KLF3: variants seen among roughly 807,000 people sequenced by gnomAD.
The protein encoded by KLF3 is Krueppel-like factor 3.
In KLF3, 6 loss-of-function variants were observed where a neutral mutation model predicts 32.7. That is an observed-to-expected ratio of 0.18 (90% confidence interval 0.10 to 0.36). KLF3 has a LOEUF of 0.36. KLF3 is among the 10% of genes least tolerant of loss of function. KLF3 has a pLI of 1.00. For synonymous variants in KLF3, 145 were observed against 172.8 expected, an observed-to-expected ratio of 0.84 and a Z score of 1.26; for missense variants, 338 against 449.7, an observed-to-expected ratio of 0.75 and a Z score of 2.25.
In KLF3 at chr4:38,698,258, A is replaced by AGTAT. The variant is rs1363192303; in HGVS notation, c.*997_*1000dup. 1 of 152,492 alleles carries AGTAT rather than the reference A, an allele frequency of 6.6e-6. No homozygotes were observed. Among genetic ancestry groups the AGTAT allele is most frequent in the Admixed American group, 6.5e-5 (1 of 15,286 alleles). 9.4% of individuals were successfully genotyped at this position (152,492 alleles called of 1,614,324 possible). On this transcript the variant is annotated 3_prime_UTR_variant, in exon 6 of 6. Coordinates refer to ENST00000261438, the MANE Select transcript of KLF3 (RefSeq NM_016531.6). The stretch of plus-strand genomic sequence containing the variant: ...AATGGTAAGAAATCTTTCGGGTAAG[A>AGTAT]GTATGGATGGTTCTTCTTTTACCCA...
At chr4:38,669,893 CAAAAAAA>C (rs60339860) in intron 1 of KLF3, among the ~76,000 whole-genome samples, 196 of 41,170 alleles carry the variant, frequency 4.8e-3, no homozygotes, top group African/African-American at 0.017. Context: ...GACTCTGTCT[CAAAAAAA>C]AAAAAAAAAA....
chr4:38,674,313 G>C lies in KLF3; in HGVS notation c.-39-6274G>C, dbSNP rs931942371. Among the ~76,000 whole-genome samples, 32 of 152,090 alleles carry C rather than the reference G, an allele frequency of 2.1e-4. No individual in the cohort carries two copies. Among genetic ancestry groups the C allele is most frequent in the African/African-American group, 7.5e-4 (31 of 41,434 alleles). On this transcript the variant is annotated intron_variant, in intron 1 of 5. Coordinates refer to ENST00000261438, the MANE Select transcript of KLF3 (RefSeq NM_016531.6). The surrounding 1 kb of genome is among the most constrained non-coding windows in gnomAD (Gnocchi z 4.1). ...ACTTGAGCCATTGGGGGATTTTGAA[G>C]AATTTGGGTAAAGAAACGAAGAGAG...
At chr4:38,686,317 G>A (rs964751281) in intron 2 of KLF3, among the ~76,000 whole-genome samples, 23 of 151,738 alleles carry the variant, frequency 1.5e-4, no homozygotes, top group African/African-American at 5.3e-4. Context: ...GTGGTGTCAT[G>A]TGCCTGTAGT....
intron 4 of KLF3, among the ~76,000 whole-genome samples, chr4:38,692,996 C>T (rs1428830943): frequency 2.7e-5 from 4 of 149,898 alleles, no homozygotes; most frequent in Non-Finnish European, 5.9e-5. Flanking sequence ...AATAATTCAG[C>T]CTTATAAAAA....
chr4:38,664,211 G>C lies in KLF3; in HGVS notation c.-290G>C, dbSNP rs999274190. 1.4e-4 allele frequency: 22 copies of C among 152,000 alleles called. No homozygotes were observed. The highest frequency in any genetic ancestry group is 4.6e-4 in the African/African-American group (19 of 41,382). The allele number at this position is 152,000 out of a possible 1,614,324, so 9.4% of individuals were successfully genotyped here. A position where few individuals can be genotyped will look rare whatever the true frequency, so the allele number is the denominator to read the frequency against. ...CCGGGAGGCTCGCAGAGCGAGCGGCGCCGGCGTCATGTGACTGCCCGGAGT... is the reference window on the plus strand; with the variant it reads ...CCGGGAGGCTCGCAGAGCGAGCGGCCCCGGCGTCATGTGACTGCCCGGAGT... On this transcript the variant is annotated 5_prime_UTR_variant, in exon 1 of 6. Transcript: ENST00000261438.
chr4:38,673,530 T>G (rs963714987), intron 1 of KLF3, among the ~76,000 whole-genome samples: 1 of 152,220 alleles, frequency 6.6e-6, no homozygotes, highest in African/African-American at 2.4e-5. Flanking sequence ...CCCTTAAAAC[T>G]AAAACACAAA....
intron 4 of KLF3, among the ~76,000 whole-genome samples, chr4:38,693,103 TGTAC>T (rs1722928171): frequency 1.1e-5 from 1 of 87,124 alleles, no homozygotes; most frequent in Non-Finnish European, 2.4e-5. Context: ...TATATATATA[TGTAC>T]ATATATATAC....
Position 38,699,547 on chromosome 4 carries a change from G to A in KLF3, c.*2284G>A, listed in dbSNP as rs1277469397. Reference sequence around the variant, plus strand: ...AAAGGATCAGATTGATCTGGGATCAGCTTTGAGCCTGAGTTCAGTGAATAG... The same window carrying A: ...AAAGGATCAGATTGATCTGGGATCAACTTTGAGCCTGAGTTCAGTGAATAG... On this transcript the variant is annotated 3_prime_UTR_variant, in exon 6 of 6. Transcript: ENST00000261438. The A allele has an allele frequency of 1.3e-5, 2 of 152,246 alleles. No individual in the cohort carries two copies. Among genetic ancestry groups the A allele is most frequent in the Non-Finnish European group, 2.9e-5 (2 of 68,044 alleles). 9.4% of individuals were successfully genotyped at this position (152,246 alleles called of 1,614,324 possible).
intron 4 of KLF3, among the ~76,000 whole-genome samples, chr4:38,692,231 G>A (rs192995395): frequency 1.1e-4 from 17 of 152,288 alleles, no homozygotes; most frequent in African/African-American, 3.9e-4. Flanking sequence ...TAACTTCTTG[G>A]TTATAATAAT....
intron 1 of KLF3, among the ~76,000 whole-genome samples, chr4:38,677,455 G>T (rs1460544461): frequency 6.6e-6 from 1 of 152,206 alleles, no homozygotes; most frequent in Non-Finnish European, 1.5e-5. Context: ...ATTAGACAAA[G>T]TCATTGAAAG....
chr4:38,684,840 G>A (rs1164368120), intron 2 of KLF3, among the ~76,000 whole-genome samples: 1 of 152,112 alleles, frequency 6.6e-6, no homozygotes, highest in Non-Finnish European at 1.5e-5. Context: ...AAAAGTGTGA[G>A]CCACCATGCC....
rs527387864 is a variant in KLF3, at chr4:38,668,342, T to A, written c.-40+3881T>A. On this transcript the variant is annotated intron_variant, in intron 1 of 5. Coordinates refer to ENST00000261438, the MANE Select transcript of KLF3 (RefSeq NM_016531.6). The stretch of plus-strand genomic sequence containing the variant: ...AACTTACTTGGGGATTTTTTTTTTT[T>A]AATCAAAAGGAATCATCTACAGCAT... 2.1e-4 allele frequency among the ~76,000 whole-genome samples: 32 copies of A among 152,102 alleles called. No individual in the cohort carries two copies. The East Asian group carries it at 5.4e-3, about 26-fold the overall frequency.
intron 1 of KLF3, among the ~76,000 whole-genome samples, chr4:38,676,024 A>AT (rs911339486): frequency 6.6e-5 from 10 of 152,176 alleles, no homozygotes; most frequent in African/African-American, 2.4e-4. Flanking sequence ...AAGTATAGAA[A>AT]TTTTTTGCAA....
At position 38,700,809 on chromosome 4, in the gene KLF3, A is replaced by G. The variant is rs555944975; in HGVS notation, c.*3546A>G. 1 of 152,352 alleles carries G rather than the reference A, an allele frequency of 6.6e-6. No individual in the cohort carries two copies. The highest frequency in any genetic ancestry group is 1.9e-4 in the East Asian group (1 of 5,192). 9.4% of individuals were successfully genotyped at this position (152,352 alleles called of 1,614,324 possible). On this transcript the variant is annotated 3_prime_UTR_variant, in exon 6 of 6. Coordinates refer to ENST00000261438, the MANE Select transcript of KLF3 (RefSeq NM_016531.6). ...TAAGACTGAATGGGTAAAGGTTTTTAGCATGCATTAGTATACTTGCAGATA... is the reference window on the plus strand; with the variant it reads ...TAAGACTGAATGGGTAAAGGTTTTTGGCATGCATTAGTATACTTGCAGATA...
chr4:38,670,349 C>T (rs1722165651), intron 1 of KLF3, among the ~76,000 whole-genome samples: 1 of 152,176 alleles, frequency 6.6e-6, no homozygotes, highest in Non-Finnish European at 1.5e-5. Flanking sequence ...GTGGATCCTG[C>T]CAGGGATGGC....
intron 4 of KLF3, 53 bp downstream of exon 4, chr4:38,689,932 C>T: frequency 6.6e-7 from 1 of 1,520,670 alleles, no homozygotes; most frequent in Non-Finnish European, 8.9e-7. Context: ...CATCTTGGAA[C>T]CTGGAGCAGA....
intron 4 of KLF3, chr4:38,690,120 C>T: frequency 2.4e-6 from 1 of 424,574 alleles, no homozygotes; most frequent in Admixed American, 4.1e-5. Context: ...ATCAGTCATC[C>T]ATGATTTTGC....
At chr4:38,689,457 G>A (rs1722810930) in intron 3 of KLF3, among the ~76,000 whole-genome samples, 1 of 152,180 alleles carries the variant, frequency 6.6e-6, no homozygotes, top group African/African-American at 2.4e-5. Context: ...GGTCATAGAG[G>A]ACTAAGGGGT....
chr4:38,673,036 T>C (rs1487632189), intron 1 of KLF3, among the ~76,000 whole-genome samples: 4 of 152,204 alleles, frequency 2.6e-5, no homozygotes, highest in African/African-American at 7.2e-5. Flanking sequence ...CAAAATGCTT[T>C]TCTCTTTCTT....
Sources: allele counts gnomAD v4.1 joint callset (sites outside exome capture counted in the v4.1 genomes callset), GRCh38; gene constraint gnomAD v4.1.1; non-coding constraint Gnocchi (gnomAD v3.1); transcripts MANE v1.5; gene names NCBI Gene and HGNC (gene_info 2026-07-23, HGNC 2026-07-21).